The following CACNA2D1 variants were observed in gnomAD, a reference collection of about 807,000 sequenced individuals.
CACNA2D1 encodes voltage-dependent calcium channel subunit alpha-2/delta-1.
CACNA2D1 carries 53 observed loss-of-function variants against 171.5 expected under a neutral mutation model. That is an observed-to-expected ratio of 0.31 (90% CI 0.25 to 0.39). The LOEUF (loss-of-function observed/expected upper bound fraction) is 0.39. Ranked by LOEUF, CACNA2D1 falls within the 10% of genes least tolerant of loss-of-function variation. The pLI is 1.00. For synonymous variants in CACNA2D1, 442 were observed against 443.1 expected, an observed-to-expected ratio of 1.00 and a Z score of 0.03; for missense variants, 903 against 1,299.8, an observed-to-expected ratio of 0.69 and a Z score of 4.69.
chr7:82,296,404 G>A (rs1391885266), intron 3 of CACNA2D1, among the ~76,000 whole-genome samples: 1 of 152,042 alleles, frequency 6.6e-6, no homozygotes, highest in Non-Finnish European at 1.5e-5. Context: ...TTGCAGCCTT[G>A]GGCACTATAG....
At chr7:82,063,269 AT>A (rs1807174113) in intron 9 of CACNA2D1, among the ~76,000 whole-genome samples, 1 of 152,190 alleles carries the variant, frequency 6.6e-6, no homozygotes, top group South Asian at 2.1e-4. Context: ...TAATATATTG[AT>A]TTATACTTAA....
intron 1 of CACNA2D1, among the ~76,000 whole-genome samples, chr7:82,381,093 A>G (rs1348979671): frequency 6.6e-6 from 1 of 151,962 alleles, no homozygotes; most frequent in Non-Finnish European, 1.5e-5. Flanking sequence ...TGGGCGGATC[A>G]CGAGGTCAGG....
chr7:82,028,093 T>A (rs1445545263), intron 12 of CACNA2D1: 1 of 151,792 alleles, frequency 6.6e-6, no homozygotes, highest in Non-Finnish European at 1.5e-5. Flanking sequence ...AAAGGAGAAG[T>A]TATTGCCTGC....
intron 6 of CACNA2D1, among the ~76,000 whole-genome samples, chr7:82,087,419 A>C (rs1351235211): frequency 6.6e-6 from 1 of 152,100 alleles, no homozygotes; most frequent in Admixed American, 6.5e-5. Flanking sequence ...TATACTACGG[A>C]GAGAATATGT....
At chr7:82,372,373 A>T (rs2129448388) in intron 1 of CACNA2D1, among the ~76,000 whole-genome samples, 1 of 152,274 alleles carries the variant, frequency 6.6e-6, no homozygotes, top group African/African-American at 2.4e-5. Flanking sequence ...ACTTCAAAAT[A>T]TTGTGTGGCT....
intron 6 of CACNA2D1, among the ~76,000 whole-genome samples, chr7:82,107,970 A>G (rs1378082051): frequency 6.6e-6 from 1 of 152,166 alleles, no homozygotes; most frequent in Non-Finnish European, 1.5e-5. Context: ...AATCTCCAGG[A>G]AAGTCATCCT....
intron 3 of CACNA2D1, among the ~76,000 whole-genome samples, chr7:82,286,498 A>C (rs1048991940): frequency 6.6e-6 from 1 of 152,212 alleles, no homozygotes; most frequent in East Asian, 1.9e-4. Flanking sequence ...CAGATATACA[A>C]GTATCTTATA....
chr7:82,241,216 A>G (rs917691331), intron 3 of CACNA2D1, among the ~76,000 whole-genome samples: 1 of 152,206 alleles, frequency 6.6e-6, no homozygotes, highest in Non-Finnish European at 1.5e-5. Flanking sequence ...CCTGATTACG[A>G]ATCAGACACC....
At chr7:82,052,237 ACCACTCC>A (rs956117136) in intron 10 of CACNA2D1, among the ~76,000 whole-genome samples, 3 of 152,040 alleles carry the variant, frequency 2.0e-5, no homozygotes, top group African/African-American at 7.2e-5. Flanking sequence ...TAACTATAGA[ACCACTCC>A]CTCCTTCCTC....
chr7:82,353,403 T>G (rs1427186809), intron 1 of CACNA2D1, among the ~76,000 whole-genome samples: 3 of 152,112 alleles, frequency 2.0e-5, no homozygotes, highest in African/African-American at 7.2e-5. Context: ...TTCATTTTTA[T>G]TGGTTCGATT....
intron 3 of CACNA2D1, among the ~76,000 whole-genome samples, chr7:82,207,840 T>C (rs993526534): frequency 6.6e-6 from 1 of 152,216 alleles, no homozygotes; most frequent in Non-Finnish European, 1.5e-5. Context: ...TCCCATTCCA[T>C]AGATTTGTTT....
In CACNA2D1 at chr7:82,242,952, TTTATC is replaced by T. The variant is rs1660868690; in HGVS notation, c.295-72348_295-72344del. Among the ~76,000 whole-genome samples the T allele has an allele frequency of 2.0e-5, 3 of 152,112 alleles. No homozygotes were observed. The South Asian group carries it at 6.2e-4, about 32-fold the overall frequency. On this transcript the variant is annotated intron_variant, in intron 3 of 38. Coordinates refer to ENST00000356860, the MANE Select transcript of CACNA2D1 (RefSeq NM_000722.4). ...GGAAATAATCATTGTACCATGAAAG[TTTATC>T]TTGTTTTAAAACCATAAATCAGGCT...
chr7:81,997,464 C>T (rs1161753236), intron 18 of CACNA2D1, among the ~76,000 whole-genome samples: 2 of 150,016 alleles, frequency 1.3e-5, no homozygotes, highest in African/African-American at 5.0e-5. Context: ...TCTTAATAAG[C>T]AAGTGAAGAC....
intron 1 of CACNA2D1, among the ~76,000 whole-genome samples, chr7:82,400,189 T>C (rs953902318): frequency 6.6e-6 from 1 of 151,196 alleles, no homozygotes; most frequent in African/African-American, 2.4e-5. Context: ...ATGCGGGCTC[T>C]TTTTTGGTTC....
chr7:81,989,189 CA>C (rs1797278110), intron 21 of CACNA2D1, among the ~76,000 whole-genome samples: 2 of 152,172 alleles, frequency 1.3e-5, no homozygotes, highest in African/African-American at 4.8e-5. Context: ...GTGGCTTAAC[CA>C]GGGACTTTTC....
intron 3 of CACNA2D1, among the ~76,000 whole-genome samples, chr7:82,198,589 C>A (rs1799081916): frequency 6.6e-6 from 1 of 151,832 alleles, no homozygotes; most frequent in Non-Finnish European, 1.5e-5. Context: ...ACCTAGGTTG[C>A]TATCTAACTT....
intron 3 of CACNA2D1, among the ~76,000 whole-genome samples, chr7:82,204,416 G>A (rs114509989): frequency 2.6e-5 from 4 of 152,174 alleles, no homozygotes; most frequent in Non-Finnish European, 5.9e-5. Flanking sequence ...CTCCAACCAG[G>A]TATGCGGATG....
intron 12 of CACNA2D1, among the ~76,000 whole-genome samples, chr7:82,017,699 C>G (rs1049380824): frequency 6.6e-6 from 1 of 151,982 alleles, no homozygotes; most frequent in South Asian, 2.1e-4. Flanking sequence ...GAAATATGTA[C>G]AATTTAAAAC....
intron 3 of CACNA2D1, among the ~76,000 whole-genome samples, chr7:82,202,424 A>G (rs1799541557): frequency 6.6e-6 from 1 of 152,124 alleles, no homozygotes; most frequent in Admixed American, 6.5e-5. Flanking sequence ...TCAGCCATGC[A>G]GCTGAAACAT....
Sources: allele counts gnomAD v4.1 joint callset (sites outside exome capture counted in the v4.1 genomes callset), GRCh38; gene constraint gnomAD v4.1.1; transcripts MANE v1.5; gene names NCBI Gene and HGNC (gene_info 2026-07-23, HGNC 2026-07-21).